NR5A1: variants seen among roughly 807,000 people sequenced by gnomAD.
NR5A1 encodes steroidogenic factor 1.
A neutral mutation model predicts 42.7 loss-of-function variants in NR5A1; 6 were observed. The ratio of observed to expected loss-of-function variants is 0.14; its 90% CI spans 0.08 to 0.28. NR5A1 has a LOEUF of 0.28. Among genes scored for constraint, NR5A1 ranks in the 10% least tolerant of loss-of-function variants. The pLI, the probability that NR5A1 is intolerant of heterozygous loss-of-function variation, is 1.00. For missense variants in NR5A1, 442 were observed against 626.4 expected (o/e 0.71, Z 3.14); for synonymous variants, 274 against 277.5 (o/e 0.99, Z 0.12).
chr9:124,500,838 C>T lies in NR5A1; in HGVS notation c.245-123G>A, dbSNP rs748214289. Reference sequence around the variant, plus strand: ...CCCTGCTCAACACCCTTTCATGGCTCCCACTGACCACAGGGGAAGTCAGTC... The same window carrying T: ...CCCTGCTCAACACCCTTTCATGGCTTCCACTGACCACAGGGGAAGTCAGTC... On this transcript the variant is annotated intron_variant, in intron 3 of 6. Transcript: ENST00000373588. The surrounding 1 kb of genome is among the most constrained non-coding windows in gnomAD (Gnocchi z 6.9). 19 of 1,463,446 alleles carry T rather than the reference C, an allele frequency of 1.3e-5. No individual in the cohort carries two copies. The highest frequency in any genetic ancestry group is 7.2e-5 in the Admixed American group (4 of 55,926). The allele number at this position is 1,463,446 out of a possible 1,614,324, so 90.7% of individuals were successfully genotyped here.
rs921491222 is a variant in NR5A1, at chr9:124,493,117, G to A, written c.903C>T (p.Cys301=). ...GGTCGAACACCAGCAGCTCGCTCCA[G>A]CAGTTCTGCAGCAGCGTCATCTGGT... ...VADQMTLLQN[C]WSELLVFDHI... is the part of the protein sequence containing the mutation. Residue 301 remains cysteine, a synonymous_variant, in exon 5 of 7, where the codon TGC becomes TGT. Transcript: ENST00000373588. The A allele has an allele frequency of 3.7e-6, 6 of 1,612,076 alleles. No homozygotes were observed. The highest frequency in any genetic ancestry group is 5.1e-6 in the Non-Finnish European group (6 of 1,179,570).
chr9:124,491,036 C>CCCCCCAAGGG, intron 6 of NR5A1, 45 bp downstream of exon 6: 1 of 1,401,600 alleles, frequency 7.1e-7, no homozygotes, highest in Non-Finnish European at 9.6e-7. Context: ...CCCACCCACC[C>CCCCCCAAGGG]GCCTCTGGCT....
At chr9:124,491,384 C>T (rs1832306785) in intron 5 of NR5A1, among the ~76,000 whole-genome samples, 156 bp from the exon 6 acceptor site, 1 of 152,210 alleles carries the variant, frequency 6.6e-6, no homozygotes, top group East Asian at 1.9e-4. Context: ...GAGCCAGGCA[C>T]GGGTAACATC....
chr9:124,483,106 C>A, intron 6 of NR5A1, 101 bp from the exon 7 acceptor site: 2 of 1,600,416 alleles, frequency 1.2e-6, no homozygotes, highest in Non-Finnish European at 1.7e-6. Context: ...TTCCCTATGA[C>A]CATCAAAGAC....
chr9:124,485,037 C>T (rs1832187101), intron 6 of NR5A1, among the ~76,000 whole-genome samples: 1 of 152,144 alleles, frequency 6.6e-6, no homozygotes, highest in Admixed American at 6.5e-5. Context: ...TGCAATGCTA[C>T]CTGCCCCGCC....
At chr9:124,486,964 C>T (rs1832220040) in intron 6 of NR5A1, among the ~76,000 whole-genome samples, 1 of 152,256 alleles carries the variant, frequency 6.6e-6, no homozygotes, top group Non-Finnish European at 1.5e-5. Context: ...ATCTCTGCCT[C>T]ACAGGGTGGC....
At chr9:124,499,449 C>T (rs143569892) in intron 4 of NR5A1, among the ~76,000 whole-genome samples, 2,388 of 152,312 alleles carry the variant, frequency 0.016, 30 homozygotes, top group Non-Finnish European at 0.024. Flanking sequence ...CACACACATG[C>T]ACATGACCAT....
At chr9:124,504,831 GGGCGCGGGGCTGGC>G (rs1832527593) in intron 1 of NR5A1, among the ~76,000 whole-genome samples, 1 of 146,506 alleles carries the variant, frequency 6.8e-6, no homozygotes, top group South Asian at 2.1e-4. Flanking sequence ...GGGGAGGCGG[GGGCGCGGGGCTGGC>G]GGCGCGGGGG....
In NR5A1 at chr9:124,500,726, G is replaced by A. The variant is rs749001471; in HGVS notation, c.245-11C>T. The A allele has an allele frequency of 4.3e-6, 7 of 1,612,498 alleles. No individual in the cohort carries two copies. In the Middle Eastern group the frequency reaches 5.0e-4, roughly 114 times the overall value. On this transcript the variant is annotated splice_polypyrimidine_tract_variant and intron_variant, in intron 3 of 6. Coordinates refer to ENST00000373588, the MANE Select transcript of NR5A1 (RefSeq NM_004959.5). The surrounding 1 kb of genome is among the most constrained non-coding windows in gnomAD (Gnocchi z 6.9). ...GGTCAGCGCGCACGGCTGTGGGCAGGGGCAGAGGGTCAGACTCACCCTCTC... is the reference window on the plus strand; with the variant it reads ...GGTCAGCGCGCACGGCTGTGGGCAGAGGCAGAGGGTCAGACTCACCCTCTC...
chr9:124,505,964 G>C (rs1832551774), intron 1 of NR5A1, among the ~76,000 whole-genome samples: 1 of 152,236 alleles, frequency 6.6e-6, no homozygotes. Flanking sequence ...TGGGGTCAGA[G>C]AGAGTTTGGG....
Position 124,496,274 on chromosome 9 carries a change from G to A in NR5A1, c.871-3125C>T, listed in dbSNP as rs561812426. 1.1e-4 allele frequency among the ~76,000 whole-genome samples: 16 copies of A among 152,262 alleles called. No homozygotes were observed. Among genetic ancestry groups the A allele is most frequent in the Admixed American group, 3.3e-4 (5 of 15,302 alleles). ...CCAGCCCCCCTGCATGAGAAAGCAGGTGGCTAAGAGGTTCCTTTAACCAGA... is the reference window on the plus strand; with the variant it reads ...CCAGCCCCCCTGCATGAGAAAGCAGATGGCTAAGAGGTTCCTTTAACCAGA... On this transcript the variant is annotated intron_variant, in intron 4 of 6. Transcript: ENST00000373588. The surrounding 1 kb of genome is among the most constrained non-coding windows in gnomAD (Gnocchi z 5.0).
In NR5A1 at chr9:124,481,883, G is replaced by A; in HGVS notation, c.*875C>T. The A allele has an allele frequency of 6.6e-6, 1 of 152,414 alleles. No homozygotes were observed. The highest frequency in any genetic ancestry group is 1.5e-5 in the Non-Finnish European group (1 of 68,086). 9.4% of individuals were successfully genotyped at this position (152,414 alleles called of 1,614,324 possible). A position where few individuals can be genotyped will look rare whatever the true frequency, so the allele number is the denominator to read the frequency against. On this transcript the variant is annotated 3_prime_UTR_variant, in exon 7 of 7. Transcript: ENST00000373588. ...AGCTGTACTTAGTGGCAATCCCCAAGCCCCAGCTTCAGTCCTCAAATCTGT... is the reference window on the plus strand; with the variant it reads ...AGCTGTACTTAGTGGCAATCCCCAAACCCCAGCTTCAGTCCTCAAATCTGT...
chr9:124,500,531 G>C lies in NR5A1; in HGVS notation c.429C>G (p.Ser143Arg). 6.2e-7 allele frequency: 1 copy of C among 1,608,516 alleles called. No individual in the cohort carries two copies. ...GGCCCTTGGGCTCAGGCCCATGCAG[G>C]CTGGGAGGCAGCACGTAGTCCGGTG... is the stretch of plus-strand genomic sequence containing the variant. The part of the protein sequence containing the change: ...PPAPDYVLPP[S>R]LHGPEPKGLA... Residue 143 changes from serine to arginine, a missense_variant, in exon 4 of 7, where the codon AGC becomes AGG. By Grantham distance (110) the Ser-to-Arg change is moderately radical. Transcript: ENST00000373588. This position sits in a 1 kb window ranked among gnomAD's most constrained non-coding sequence, Gnocchi z 6.9.
At chr9:124,492,090 G>C (rs1486790552) in intron 5 of NR5A1, among the ~76,000 whole-genome samples, 1 of 152,128 alleles carries the variant, frequency 6.6e-6, no homozygotes, top group African/African-American at 2.4e-5. Context: ...GAGATGAGCA[G>C]TGGGGGCCTG....
At chr9:124,484,811 T>C (rs1164096950) in intron 6 of NR5A1, among the ~76,000 whole-genome samples, 1 of 151,866 alleles carries the variant, frequency 6.6e-6, no homozygotes, top group Non-Finnish European at 1.5e-5. Context: ...AGACGTGCCA[T>C]GGGAAGACAG....
At position 124,481,453 on chromosome 9, in the gene NR5A1, A is replaced by G. The variant is rs1252472905; in HGVS notation, c.*1305T>C. ...GGGCAGGCTCAGCACAAGCTGCAAC[A>G]GTAACATGAAAGCGGGACGGACAGC... On this transcript the variant is annotated 3_prime_UTR_variant, in exon 7 of 7. Transcript: ENST00000373588. 1 of 152,214 alleles carries G rather than the reference A, an allele frequency of 6.6e-6. No individual in the cohort carries two copies. Among genetic ancestry groups the G allele is most frequent in the Non-Finnish European group, 1.5e-5 (1 of 68,064 alleles). 9.4% of individuals were successfully genotyped at this position (152,214 alleles called of 1,614,324 possible).
chr9:124,501,395 G>A lies in NR5A1; in HGVS notation c.245-680C>T, dbSNP rs1375050380. 6.6e-6 allele frequency among the ~76,000 whole-genome samples: 1 copy of A among 152,244 alleles called. No individual in the cohort carries two copies. Among genetic ancestry groups the A allele is most frequent in the Non-Finnish European group, 1.5e-5 (1 of 68,040 alleles). ...AGAGCTGGCCAAGGCTCTATGCTGG[G>A]GGAGGGGACCTCTCTTGCCGACTAG... On this transcript the variant is annotated intron_variant, in intron 3 of 6. Transcript: ENST00000373588. This position sits in a 1 kb window ranked among gnomAD's most constrained non-coding sequence, Gnocchi z 4.1.
intron 1 of NR5A1, among the ~76,000 whole-genome samples, chr9:124,504,529 C>T (rs1832521804): frequency 6.6e-6 from 1 of 151,960 alleles, no homozygotes; most frequent in South Asian, 2.1e-4. Flanking sequence ...GGGGAGACCT[C>T]GGGCGGGGGT....
Position 124,499,030 on chromosome 9 carries a change from T to G in NR5A1, c.870+1060A>C, listed in dbSNP as rs533836074. On this transcript the variant is annotated intron_variant, in intron 4 of 6. Transcript: ENST00000373588. ...CTCAAGGCTGCAGTGGCCCCAGCAG[T>G]GGGGGCAACGGGCCCTGCTGTTTAC... Among the ~76,000 whole-genome samples, 529 of 152,102 alleles carry G rather than the reference T, an allele frequency of 3.5e-3. 3 individuals carry two copies. Among genetic ancestry groups the G allele is most frequent in the South Asian group, 0.017 (83 of 4,810 alleles).
Sources: gnomAD v4.1 joint callset for allele counts (sites outside exome capture counted in the v4.1 genomes callset) on GRCh38, gnomAD v4.1.1 for gene constraint, Gnocchi (gnomAD v3.1) non-coding constraint, MANE v1.5 for transcripts, NCBI Gene and HGNC (gene_info 2026-07-23, HGNC 2026-07-21) for gene names.